Variants in SNED1 observed in about 807,000 individuals in gnomAD.
SNED1 encodes sushi, nidogen and EGF-like domain-containing protein 1.
SNED1 carries 81 observed loss-of-function variants against 166.7 expected under a neutral mutation model. The observed-to-expected ratio is 0.49, with a 90% CI of 0.41 to 0.58. The LOEUF is 0.58. SNED1 is among the 20% of genes least tolerant of loss of function. The pLI is 0.00. For synonymous variants in SNED1, 762 were observed against 822.0 expected, an observed-to-expected ratio of 0.93 and a Z score of 1.25; for missense variants, 1,604 against 2,000.2, an observed-to-expected ratio of 0.80 and a Z score of 3.78.
chr2:241,004,575 G>C (rs2060164881), intron 1 of SNED1, among the ~76,000 whole-genome samples: 1 of 150,924 alleles, frequency 6.6e-6, no homozygotes, highest in African/African-American at 2.5e-5. Context: ...TTTTAACATA[G>C]TTTACCTTCA....
chr2:241,067,630 A>T lies in SNED1; in HGVS notation c.3011-134A>T, dbSNP rs2062515154. 4.6e-6 allele frequency: 3 copies of T among 657,438 alleles called. No homozygotes were observed. The East Asian group carries it at 8.3e-5, about 18-fold the overall frequency. 40.7% of individuals were successfully genotyped at this position (657,438 alleles called of 1,614,324 possible). On this transcript the variant is annotated intron_variant, in intron 21 of 31. Coordinates refer to ENST00000310397, the MANE Select transcript of SNED1 (RefSeq NM_001080437.3). ...CCCACTCAGCCCGAGTTCCCTGAGCAGTTGATGGGACACCCTCTCCAGTGC... is the reference window on the plus strand; with the variant it reads ...CCCACTCAGCCCGAGTTCCCTGAGCTGTTGATGGGACACCCTCTCCAGTGC...
intron 8 of SNED1, among the ~76,000 whole-genome samples, chr2:241,042,202 G>A (rs1242611830): frequency 1.3e-5 from 2 of 152,156 alleles, no homozygotes; most frequent in Non-Finnish European, 2.9e-5. Flanking sequence ...TTATTATCAG[G>A]CTCAGGATGA....
In SNED1 at chr2:241,064,119, G is replaced by A. The variant is rs1307778202; in HGVS notation, c.2593G>A (p.Glu865Lys). 4.5e-6 allele frequency: 7 copies of A among 1,556,214 alleles called. No individual in the cohort carries two copies. Among genetic ancestry groups the A allele is most frequent in the East Asian group, 2.4e-5 (1 of 41,322 alleles). Reference protein sequence around the residue: ...CPESFFGYHCETVSDPCFSSP... With the variant: ...CPESFFGYHCKTVSDPCFSSP... The stretch of plus-strand genomic sequence containing the variant: ...AGAGAGCTTCTTCGGCTACCACTGC[G>A]AGACAGGTAGGGCGGCAGGCCTGCC... The change falls in exon 19 of 32, where the codon GAG becomes AAG. Residue 865 changes from glutamate to lysine, a missense_variant. Glu to Lys is a moderately conservative substitution (Grantham distance 56, BLOSUM62 1). This residue lies in a region of SNED1 where 1,237 missense variants were observed against 1,620.8 expected (regional missense o/e 0.76). Transcript: ENST00000310397. This position sits in a 1 kb window ranked among gnomAD's most constrained non-coding sequence, Gnocchi z 7.0.
At chr2:241,024,209 G>A (rs1341192708) in intron 1 of SNED1, among the ~76,000 whole-genome samples, 1 of 131,740 alleles carries the variant, frequency 7.6e-6, no homozygotes, top group African/African-American at 2.9e-5. Flanking sequence ...ATGCATGTCT[G>A]GTGTAGTTGT....
In SNED1 at chr2:241,067,548, CGTCATGCTCACAGCGGGTTCTGCAGCT is replaced by C. The variant is rs1342660329; in HGVS notation, c.3011-211_3011-185del. Among the ~76,000 whole-genome samples, 6 of 152,270 alleles carry C rather than the reference CGTCATGCTCACAGCGGGTTCTGCAGCT, an allele frequency of 3.9e-5. No homozygotes were observed. The South Asian group carries it at 8.3e-4, about 21-fold the overall frequency. On this transcript the variant is annotated intron_variant, in intron 21 of 31. Transcript: ENST00000310397. ...GCTGGCCCACAGCGGGCTCTGCAGCCGTCATGCTCACAGCGGGTTCTGCAGCTGTCAGCCCTGGAGGCCAGAGCCTGG... is the reference window on the plus strand; with the variant it reads ...GCTGGCCCACAGCGGGCTCTGCAGCCGTCAGCCCTGGAGGCCAGAGCCTGG...
chr2:241,095,276 G>A lies in SNED1; in HGVS notation c.*3640G>A. The A allele has an allele frequency of 6.5e-6, 1 of 152,890 alleles. No homozygotes were observed. 9.5% of individuals were successfully genotyped at this position (152,890 alleles called of 1,614,324 possible). Reference sequence around the variant, plus strand: ...CACAGTCTGGCACTACAGACTACAGGGCCGGAGACACCAGGCTTGGAAGTG... The same window carrying A: ...CACAGTCTGGCACTACAGACTACAGAGCCGGAGACACCAGGCTTGGAAGTG... On this transcript the variant is annotated 3_prime_UTR_variant, in exon 32 of 32. Coordinates refer to ENST00000310397, the MANE Select transcript of SNED1 (RefSeq NM_001080437.3).
chr2:241,037,057 G>A, intron 5 of SNED1, 142 bp downstream of exon 5: 3 of 1,140,662 alleles, frequency 2.6e-6, no homozygotes, highest in African/African-American at 1.6e-5. Flanking sequence ...CTTGCTTAGG[G>A]GACCACTGGG....
At chr2:241,049,678 C>T in intron 11 of SNED1, 139 bp from the exon 12 acceptor site, 1 of 643,442 alleles carries the variant, frequency 1.6e-6, no homozygotes. Context: ...ATCAAGATGC[C>T]CACAGAGTGT....
intron 1 of SNED1, among the ~76,000 whole-genome samples, chr2:241,007,873 C>T (rs1338453592): frequency 6.6e-6 from 1 of 152,214 alleles, no homozygotes. Context: ...TCTCCTGAAT[C>T]GATGTGTGTC....
Position 241,063,667 on chromosome 2 carries a change from C to T in SNED1, c.2452C>T (p.Pro818Ser), listed in dbSNP as rs2062317480. Residue 818 changes from proline to serine, a missense_variant, in exon 18 of 32, where the codon CCT becomes TCT. Physicochemically the swap from Pro to Ser is moderately conservative, Grantham distance 74 (BLOSUM62 -1). Around this residue, in one of 2 missense-constraint regions of SNED1, gnomAD observed 1,237 missense variants for 1,620.8 expected, o/e 0.76. Coordinates refer to ENST00000310397, the MANE Select transcript of SNED1 (RefSeq NM_001080437.3). ...NLPGAYVCRC[P>S]AGFVGVHCET... ...CCCAGGGGCCTATGTCTGCCGGTGCCCTGCAGGCTTCGTTGGAGTCCACTG... is the reference window on the plus strand; with the variant it reads ...CCCAGGGGCCTATGTCTGCCGGTGCTCTGCAGGCTTCGTTGGAGTCCACTG... 1 of 1,612,068 alleles carries T rather than the reference C, an allele frequency of 6.2e-7. No individual in the cohort carries two copies. The highest frequency in any genetic ancestry group is 8.5e-7 in the Non-Finnish European group (1 of 1,179,146).
At chr2:241,006,804 A>G (rs758910306) in intron 1 of SNED1, among the ~76,000 whole-genome samples, 2 of 152,190 alleles carry the variant, frequency 1.3e-5, no homozygotes, top group African/African-American at 4.8e-5. Flanking sequence ...AGTCTCCACT[A>G]AAAAGAACCA....
rs376157092 is a variant in SNED1 at position 241,082,272 on chromosome 2, C to T, written c.4034-5C>T. 1.6e-5 allele frequency: 25 copies of T among 1,601,676 alleles called. No individual in the cohort carries two copies. Among genetic ancestry groups the T allele is most frequent in the African/African-American group, 5.3e-5 (4 of 74,804 alleles). On this transcript the variant is annotated splice_polypyrimidine_tract_variant and splice_region_variant and intron_variant, in intron 28 of 31. Coordinates refer to ENST00000310397, the MANE Select transcript of SNED1 (RefSeq NM_001080437.3). ...CTGGTGAGCCACTGCCCTTCTTTGTCGCAGCCTGTATAAAGGTGTCCCGCC... is the reference window on the plus strand; with the variant it reads ...CTGGTGAGCCACTGCCCTTCTTTGTTGCAGCCTGTATAAAGGTGTCCCGCC...
At position 241,069,263 on chromosome 2, in the gene SNED1, A is replaced by G. The variant is rs1039507577; in HGVS notation, c.3307+240A>G. ...CTCTAAAGGCTCCTGGTAGCTCCTC[A>G]GCATGGAGTTCCTACTGGACACCGA... On this transcript the variant is annotated intron_variant, in intron 23 of 31. Coordinates refer to ENST00000310397, the MANE Select transcript of SNED1 (RefSeq NM_001080437.3). This position sits in a 1 kb window ranked among gnomAD's most constrained non-coding sequence, Gnocchi z 4.9. Among the ~76,000 whole-genome samples, 1 of 152,120 alleles carries G rather than the reference A, an allele frequency of 6.6e-6. No individual in the cohort carries two copies. The highest frequency in any genetic ancestry group is 6.5e-5 in the Admixed American group (1 of 15,284).
intron 4 of SNED1, 52 bp downstream of exon 4, chr2:241,034,782 T>C: frequency 6.8e-7 from 1 of 1,481,280 alleles, no homozygotes; most frequent in Non-Finnish European, 9.0e-7. Flanking sequence ...GGAAGGGGGT[T>C]GATGGCAGAG....
chr2:241,034,070 G>C (rs1464116158), intron 3 of SNED1, among the ~76,000 whole-genome samples, 195 bp downstream of exon 3: 2 of 152,162 alleles, frequency 1.3e-5, no homozygotes, highest in Non-Finnish European at 2.9e-5. Flanking sequence ...AGGCCCAAAG[G>C]CACCTTTGTC....
In SNED1 at chr2:241,081,800, C is replaced by T. The variant is rs373212883; in HGVS notation, c.4033+7C>T. On this transcript the variant is annotated splice_region_variant and intron_variant, in intron 28 of 31. Transcript: ENST00000310397. The stretch of plus-strand genomic sequence containing the variant: ...GGCAGACGCTGCGAGCTCGGTAAGT[C>T]GGGGCTTGGCCTCAGGGCGCCCCTT... The T allele has an allele frequency of 4.5e-6, 7 of 1,565,896 alleles. No homozygotes were observed. Among genetic ancestry groups the T allele is most frequent in the African/African-American group, 2.7e-5 (2 of 73,910 alleles).
intron 27 of SNED1, among the ~76,000 whole-genome samples, chr2:241,080,790 G>T (rs183041046): frequency 6.6e-6 from 1 of 152,228 alleles, no homozygotes; most frequent in Non-Finnish European, 1.5e-5. Flanking sequence ...GGACCAACTC[G>T]GTCTGCAGGC....
At chr2:241,062,953 C>T in intron 17 of SNED1, 49 bp downstream of exon 17, 1 of 1,252,028 alleles carries the variant, frequency 8.0e-7, no homozygotes, top group Non-Finnish European at 1.1e-6. Flanking sequence ...GCACACTGGC[C>T]ATGTGCCTGA....
At position 241,051,087 on chromosome 2, in the gene SNED1, C is replaced by T. The variant is rs1000732291; in HGVS notation, c.1736-657C>T. On this transcript the variant is annotated intron_variant, in intron 12 of 31. Coordinates refer to ENST00000310397, the MANE Select transcript of SNED1 (RefSeq NM_001080437.3). The surrounding 1 kb of genome is among the most constrained non-coding windows in gnomAD (Gnocchi z 4.7). ...CGTGGGATGGCTGGCAGGAGAGGAG[C>T]GAGCACAGTGGGGCAGGCCCCTCCC... Among the ~76,000 whole-genome samples, 30 of 152,276 alleles carry T rather than the reference C, an allele frequency of 2.0e-4. No individual in the cohort carries two copies. Among genetic ancestry groups the T allele is most frequent in the African/African-American group, 6.5e-4 (27 of 41,558 alleles).
Sources: gnomAD v4.1 joint callset for allele counts (sites outside exome capture counted in the v4.1 genomes callset) on GRCh38, gnomAD v4.1.1 for gene constraint, gnomAD v4.1.1 regional missense constraint, Gnocchi (gnomAD v3.1) non-coding constraint, MANE v1.5 for transcripts, NCBI Gene and HGNC (gene_info 2026-07-23, HGNC 2026-07-21) for gene names.